The following CNNM2 variants were observed in gnomAD, a reference collection of about 807,000 sequenced individuals.
CNNM2 encodes cyclin and CBS domain divalent metal cation transport mediator 2.
Under a neutral mutation model 66.9 loss-of-function variants are expected in CNNM2, and 12 were observed. The ratio of observed to expected loss-of-function variants is 0.18; its 90% CI spans 0.11 to 0.29. The LOEUF (loss-of-function observed/expected upper bound fraction) is 0.29. Ranked by LOEUF, CNNM2 falls within the 10% of genes least tolerant of loss-of-function variation. The pLI is 1.00. For missense variants in CNNM2, 705 were observed against 1,167.7 expected, an observed-to-expected ratio of 0.60 and a Z score of 5.77; for synonymous variants, 557 against 501.8, an observed-to-expected ratio of 1.11 and a Z score of -1.47.
At chr10:103,055,614 CTTCT>C (rs906613363) in intron 3 of CNNM2, among the ~76,000 whole-genome samples, 2 of 152,138 alleles carry the variant, frequency 1.3e-5, no homozygotes, top group African/African-American at 4.8e-5. Flanking sequence ...GTTTTTCTTT[CTTCT>C]TTCTTTTTCT....
chr10:103,022,374 T>C (rs1304517402), intron 1 of CNNM2, among the ~76,000 whole-genome samples: 3 of 152,224 alleles, frequency 2.0e-5, no homozygotes, highest in African/African-American at 4.8e-5. Flanking sequence ...GTTTAAACTC[T>C]TTCTTCTTCA....
At chr10:102,944,162 T>G (rs1846527471) in intron 1 of CNNM2, among the ~76,000 whole-genome samples, 1 of 150,878 alleles carries the variant, frequency 6.6e-6, no homozygotes, top group Non-Finnish European at 1.5e-5. Context: ...CACTGCAGTC[T>G]CCGCCTCCTG....
chr10:102,950,981 C>CTTTTTTTTTTTTT (rs34870588), intron 1 of CNNM2, among the ~76,000 whole-genome samples: 1 of 80,458 alleles, frequency 1.2e-5, no homozygotes, highest in African/African-American at 5.0e-5. Flanking sequence ...CTTTCTTTCT[C>CTTTTTTTTTTTTT]TTTTTTTTTT....
At chr10:103,044,765 A>G (rs1021918775) in intron 1 of CNNM2, among the ~76,000 whole-genome samples, 1 of 152,220 alleles carries the variant, frequency 6.6e-6, no homozygotes, top group African/African-American at 2.4e-5. Flanking sequence ...TCCAAAGTTA[A>G]AAGAATGTGG....
chr10:103,012,942 AAAG>A (rs1564844991), intron 1 of CNNM2, among the ~76,000 whole-genome samples: 1 of 151,980 alleles, frequency 6.6e-6, no homozygotes, highest in African/African-American at 2.4e-5. Context: ...TCAAACATAG[AAAG>A]AAGTACCATA....
chr10:103,009,674 CA>C lies in CNNM2; in HGVS notation c.1622-40009del, dbSNP rs36096913. The stretch of plus-strand genomic sequence containing the variant: ...ACCACTACATTCTAGCCTGAGTCTC[CA>C]AAAAAAAAAAAAAAAAAAAAAAAGT... On this transcript the variant is annotated intron_variant, in intron 1 of 7. Transcript: ENST00000369878. 0.16 allele frequency among the ~76,000 whole-genome samples: 9,363 copies of C among 58,680 alleles called. 131 individuals are homozygous for C. Among genetic ancestry groups the C allele is most frequent in the East Asian group, 0.2 (399 of 2,020 alleles). The allele number at this position is 58,680 out of a possible 152,430, so 38.5% of individuals were successfully genotyped here.
intron 4 of CNNM2, among the ~76,000 whole-genome samples, chr10:103,063,395 CAAG>C (rs1379355939): frequency 6.6e-6 from 1 of 152,164 alleles, no homozygotes; most frequent in Non-Finnish European, 1.5e-5. Context: ...ATTTAAAAAA[CAAG>C]AAGGTGAGCG....
At chr10:103,010,999 AAAATTTCATTTT>A (rs2064332326) in intron 1 of CNNM2, among the ~76,000 whole-genome samples, 1 of 152,240 alleles carries the variant, frequency 6.6e-6, no homozygotes, top group Admixed American at 6.5e-5. Context: ...TCAGAGGGAA[AAAATTTCATTTT>A]GAAAAAAGTA....
chr10:103,018,946 G>C (rs2064511764), intron 1 of CNNM2, among the ~76,000 whole-genome samples: 1 of 149,698 alleles, frequency 6.7e-6, no homozygotes, highest in African/African-American at 2.4e-5. Flanking sequence ...GTGAGCCGCT[G>C]TACCTGGCCT....
chr10:102,946,543 A>G (rs1340469196), intron 1 of CNNM2, among the ~76,000 whole-genome samples: 1 of 152,120 alleles, frequency 6.6e-6, no homozygotes, highest in East Asian at 1.9e-4. Context: ...CACTTGTGCT[A>G]GCTGTTGTTT....
intron 1 of CNNM2, among the ~76,000 whole-genome samples, chr10:103,007,796 A>C (rs2064257184): frequency 6.6e-6 from 1 of 152,208 alleles, no homozygotes; most frequent in Non-Finnish European, 1.5e-5. Flanking sequence ...AGTTAGATAC[A>C]ATTATCACAG....
At chr10:102,970,480 C>A (rs1482147652) in intron 1 of CNNM2, among the ~76,000 whole-genome samples, 1 of 152,176 alleles carries the variant, frequency 6.6e-6, no homozygotes, top group Non-Finnish European at 1.5e-5. Flanking sequence ...GTACAGCCTG[C>A]GTAGCCTAAA....
At chr10:102,979,562 A>G (rs1473914117) in intron 1 of CNNM2, among the ~76,000 whole-genome samples, 3 of 152,166 alleles carry the variant, frequency 2.0e-5, no homozygotes, top group East Asian at 1.9e-4. Context: ...GAGCATGTCT[A>G]TGTTTAATAT....
At chr10:103,000,039 C>T (rs1002217780) in intron 1 of CNNM2, among the ~76,000 whole-genome samples, 2 of 152,002 alleles carry the variant, frequency 1.3e-5, no homozygotes, top group African/African-American at 4.8e-5. Context: ...AGTTCCAGAC[C>T]AGCCTGGCCA....
chr10:103,088,298 C>G lies in CNNM2; in HGVS notation c.*11118C>G, dbSNP rs529558966. The G allele has an allele frequency of 2.0e-5, 3 of 152,356 alleles. No homozygotes were observed. In the East Asian group the frequency reaches 5.8e-4, roughly 29 times the overall value. 9.4% of individuals were successfully genotyped at this position (152,356 alleles called of 1,614,324 possible). A position where few individuals can be genotyped will look rare whatever the true frequency, so the allele number is the denominator to read the frequency against. ...GTTTAAAATGTTGAAACAACTTTCA[C>G]TGTACTGGTGAAACAGTTTTAATAC... On this transcript the variant is annotated 3_prime_UTR_variant, in exon 8 of 8. Coordinates refer to ENST00000369878, the MANE Select transcript of CNNM2 (RefSeq NM_017649.5).
At chr10:102,961,551 T>C (rs2063380190) in intron 1 of CNNM2, among the ~76,000 whole-genome samples, 1 of 152,170 alleles carries the variant, frequency 6.6e-6, no homozygotes, top group Admixed American at 6.5e-5. Flanking sequence ...TCCTGTAAAA[T>C]GGGGAATTTT....
chr10:103,065,587 G>A (rs955298056), intron 4 of CNNM2, among the ~76,000 whole-genome samples: 6 of 152,312 alleles, frequency 3.9e-5, no homozygotes, highest in African/African-American at 1.2e-4. Flanking sequence ...TCTGTCTGCA[G>A]GGACACAACA....
chr10:103,076,655 C>T (rs1402463238), intron 7 of CNNM2, among the ~76,000 whole-genome samples: 6 of 152,168 alleles, frequency 3.9e-5, no homozygotes, highest in East Asian at 1.9e-4. Context: ...TGTCTTCTGC[C>T]GGGCAGTCAG....
At chr10:102,928,079 G>T (rs1232543878) in intron 1 of CNNM2, among the ~76,000 whole-genome samples, 1 of 152,094 alleles carries the variant, frequency 6.6e-6, no homozygotes, top group Non-Finnish European at 1.5e-5. Flanking sequence ...TTAACCCTAA[G>T]TTTTTTTCAA....
Sources: allele counts gnomAD v4.1 joint callset (sites outside exome capture counted in the v4.1 genomes callset), GRCh38; gene constraint gnomAD v4.1.1; transcripts MANE v1.5; gene names NCBI Gene and HGNC (gene_info 2026-07-23, HGNC 2026-07-21).